PLXNA2: variants seen among roughly 807,000 people sequenced by gnomAD.
PLXNA2 encodes plexin-A2.
A neutral mutation model predicts 193.5 loss-of-function variants in PLXNA2; 91 were observed. That is an observed-to-expected ratio of 0.47 (90% CI 0.40 to 0.56). PLXNA2 has a LOEUF of 0.56. Ranked by LOEUF, PLXNA2 falls within the 20% of genes least tolerant of loss-of-function variation. The pLI is 0.00. For missense variants in PLXNA2, 1,995 were observed against 2,503.2 expected (o/e 0.80, Z 4.33); for synonymous variants, 997 against 1,027.3 (o/e 0.97, Z 0.56).
At chr1:208,167,585 T>C (rs1374914586) in intron 3 of PLXNA2, among the ~76,000 whole-genome samples, 1 of 152,134 alleles carries the variant, frequency 6.6e-6, no homozygotes, top group Non-Finnish European at 1.5e-5. Context: ...CGCCCTGCTC[T>C]TCTTACTCCC....
chr1:208,190,357 G>A (rs1427875406), intron 3 of PLXNA2, among the ~76,000 whole-genome samples: 1 of 152,202 alleles, frequency 6.6e-6, no homozygotes, highest in East Asian at 1.9e-4. Flanking sequence ...TTTAATAACT[G>A]CATATTATGT....
intron 4 of PLXNA2, among the ~76,000 whole-genome samples, chr1:208,139,516 C>T (rs894408163): frequency 7.2e-5 from 11 of 152,272 alleles, no homozygotes; most frequent in African/African-American, 2.6e-4. Context: ...CTCACACTGA[C>T]CTTGTGTGAG....
chr1:208,217,128 A>G lies in PLXNA2; in HGVS notation c.795T>C (p.Gly265=), dbSNP rs765583736. 6.2e-7 allele frequency: 1 copy of G among 1,614,104 alleles called. No homozygotes were observed. Among genetic ancestry groups the G allele is most frequent in the Non-Finnish European group, 8.5e-7 (1 of 1,180,016 alleles). Residue 265 remains glycine (G), a synonymous_variant, in exon 2 of 32, where the codon GGT becomes GGC. Transcript: ENST00000367033. The surrounding 1 kb of genome is among the most constrained non-coding windows in gnomAD (Gnocchi z 4.7). The stretch of plus-strand genomic sequence containing the variant: ...GGTCTCCAGCGGAGTTGATGGCCAC[A>G]CCCTCAGGGGTCTCGGGCTGGACAG... ...FLTVQPETPE[G]VAINSAGDLF...
chr1:208,228,935 C>T (rs1338825487), intron 1 of PLXNA2, among the ~76,000 whole-genome samples: 1 of 152,106 alleles, frequency 6.6e-6, no homozygotes, highest in South Asian at 2.1e-4. Context: ...CCTCTCATGG[C>T]CCTCGGGTGA....
chr1:208,222,698 C>T (rs1052719150), intron 1 of PLXNA2, among the ~76,000 whole-genome samples: 3 of 152,216 alleles, frequency 2.0e-5, no homozygotes, highest in African/African-American at 7.2e-5. Flanking sequence ...CTGCTACCCT[C>T]TCCTATTGCC....
chr1:208,124,679 C>CAAAA (rs34909092), intron 4 of PLXNA2, among the ~76,000 whole-genome samples: 27 of 68,584 alleles, frequency 3.9e-4, no homozygotes, highest in African/African-American at 4.5e-4. Flanking sequence ...AACTCCGTCT[C>CAAAA]AAAAAAAAAA....
At chr1:208,041,361 A>G (rs1664864178) in intron 22 of PLXNA2, among the ~76,000 whole-genome samples, 1 of 152,056 alleles carries the variant, frequency 6.6e-6, no homozygotes, top group Non-Finnish European at 1.5e-5. Context: ...GCCTCTAGAG[A>G]GGGTGGGCTC....
intron 17 of PLXNA2, among the ~76,000 whole-genome samples, chr1:208,050,076 GACA>G (rs1177673864): frequency 2.6e-5 from 4 of 152,148 alleles, no homozygotes; most frequent in African/African-American, 9.7e-5. Flanking sequence ...CTACGATACA[GACA>G]ACTTTTTAAA....
chr1:208,211,913 G>A (rs1670967823), intron 2 of PLXNA2, among the ~76,000 whole-genome samples: 1 of 152,204 alleles, frequency 6.6e-6, no homozygotes, highest in Non-Finnish European at 1.5e-5. Flanking sequence ...TCCTGAGGCA[G>A]GGGCTGCTGA....
chr1:208,040,645 T>A (rs1002357684), intron 22 of PLXNA2, among the ~76,000 whole-genome samples: 4 of 152,254 alleles, frequency 2.6e-5, no homozygotes, highest in African/African-American at 9.6e-5. Flanking sequence ...ACAGTCATAA[T>A]AACATCCAAC....
intron 14 of PLXNA2, among the ~76,000 whole-genome samples, chr1:208,053,645 CT>C (rs1366055868): frequency 6.6e-6 from 1 of 152,174 alleles, no homozygotes; most frequent in Non-Finnish European, 1.5e-5. Context: ...GTGTTAATGC[CT>C]TTTAATGAAA....
intron 13 of PLXNA2, among the ~76,000 whole-genome samples, chr1:208,059,606 T>A: frequency 6.6e-6 from 1 of 152,188 alleles, no homozygotes; most frequent in South Asian, 2.1e-4. Flanking sequence ...AGCCCTGCAT[T>A]AGGGGTCAGG....
intron 29 of PLXNA2, 192 bp from the exon 30 acceptor site, chr1:208,029,234 G>T: frequency 7.1e-7 from 1 of 1,413,328 alleles, no homozygotes; most frequent in Non-Finnish European, 9.2e-7. Flanking sequence ...GGAAGGAGAG[G>T]CACTTTGTAC....
rs758121500 is a variant in PLXNA2, at chr1:208,046,065, G to A, written c.3308C>T (p.Thr1103Ile). ...GTCCAGGCCAGGGCGGTAGTCCGTG[G>A]TCAGAGAGGGTGCCAGGCAGGTGAG... is the stretch of plus-strand genomic sequence containing the variant. ...TTLTCLAPSL[T>I]TDYRPGLDTV... Residue 1103 changes from threonine to isoleucine, a missense_variant, in exon 18 of 32, where the codon ACC (threonine) becomes ATC (isoleucine). Transcript: ENST00000367033. 3.7e-6 allele frequency: 6 copies of A among 1,614,250 alleles called. No individual in the cohort carries two copies. In the South Asian group the frequency reaches 5.5e-5, roughly 15 times the overall value.
At chr1:208,188,329 T>C (rs1670070412) in intron 3 of PLXNA2, among the ~76,000 whole-genome samples, 1 of 152,190 alleles carries the variant, frequency 6.6e-6, no homozygotes, top group Non-Finnish European at 1.5e-5. Flanking sequence ...TCATGGAGGC[T>C]GTGAACTTTG....
chr1:208,199,509 G>T (rs1670469909), intron 3 of PLXNA2, among the ~76,000 whole-genome samples: 1 of 152,146 alleles, frequency 6.6e-6, no homozygotes, highest in South Asian at 2.1e-4. Context: ...TGGCCAACAT[G>T]TTGAAACCCC....
At chr1:208,186,323 G>T (rs1022009186) in intron 3 of PLXNA2, among the ~76,000 whole-genome samples, 1 of 151,972 alleles carries the variant, frequency 6.6e-6, no homozygotes. Context: ...TTAAAGTGGG[G>T]GTTGGGAGAG....
At chr1:208,098,795 A>T (rs1279171630) in intron 6 of PLXNA2, 51 bp downstream of exon 6, 1 of 1,587,966 alleles carries the variant, frequency 6.3e-7, no homozygotes, top group African/African-American at 1.3e-5. Flanking sequence ...ACACCCACAC[A>T]GGTGCATGCA....
At position 208,028,201 on chromosome 1, in the gene PLXNA2, A is replaced by T. The variant is rs1048972641; in HGVS notation, c.5439-42T>A. 11 of 1,559,096 alleles carry T rather than the reference A, an allele frequency of 7.1e-6. No homozygotes were observed. Among genetic ancestry groups the T allele is most frequent in the Non-Finnish European group, 9.6e-6 (11 of 1,150,000 alleles). Reference sequence around the variant, plus strand: ...AGGCGCCTTGGTGGAGGCCTCAGCAAACATTTACCTATAGCTACCCCGGGC... The same window carrying T: ...AGGCGCCTTGGTGGAGGCCTCAGCATACATTTACCTATAGCTACCCCGGGC... On this transcript the variant is annotated intron_variant, in intron 30 of 31. Transcript: ENST00000367033. This position sits in a 1 kb window ranked among gnomAD's most constrained non-coding sequence, Gnocchi z 4.2.
Sources: allele counts gnomAD v4.1 joint callset (sites outside exome capture counted in the v4.1 genomes callset), GRCh38; gene constraint gnomAD v4.1.1; non-coding constraint Gnocchi (gnomAD v3.1); transcripts MANE v1.5; gene names NCBI Gene and HGNC (gene_info 2026-07-23, HGNC 2026-07-21).